SLC12A9: variants seen among roughly 807,000 people sequenced by gnomAD.
SLC12A9 encodes the protein CCC-interacting protein 1.
Under a neutral mutation model 66.0 loss-of-function variants are expected in SLC12A9, and 55 were observed. The ratio of observed to expected loss-of-function variants is 0.83; its 90% CI spans 0.67 to 1.04. The LOEUF is 1.04. SLC12A9 is among the 50% of genes least tolerant of loss of function. SLC12A9 has a pLI of 0.00. For synonymous variants in SLC12A9, 577 were observed against 569.0 expected, an observed-to-expected ratio of 1.01 and a Z score of -0.20; for missense variants, 1,061 against 1,241.9, an observed-to-expected ratio of 0.85 and a Z score of 2.19.
chr7:100,855,766 T>A lies in SLC12A9; in HGVS notation c.377T>A (p.Leu126Gln). 6.2e-7 allele frequency: 1 copy of A among 1,614,170 alleles called. No homozygotes were observed. Among genetic ancestry groups the A allele is most frequent in the Non-Finnish European group, 8.5e-7 (1 of 1,180,010 alleles). ...GGCAGCATTGGGCTCATGTTCTACC[T>A]GGCTAACGTCTGTGGCTGTGCCGTC... ...VGGSIGLMFY[L>Q]ANVCGCAVSL... The change falls in exon 4 of 14, where the codon CTG (leucine) becomes CAG (glutamine). Residue 126 changes from leucine (L) to glutamine (Q), a missense_variant. Coordinates refer to ENST00000354161, the MANE Select transcript of SLC12A9 (RefSeq NM_020246.4).
chr7:100,827,084 C>T (rs929324650), intron 1 of SLC12A9: 1 of 1,543,660 alleles, frequency 6.5e-7, no homozygotes, highest in Non-Finnish European at 8.8e-7. Context: ...CCCTCGCCCC[C>T]CCAGGTCTGA....
intron 1 of SLC12A9, among the ~76,000 whole-genome samples, chr7:100,831,603 G>A (rs1045017926): frequency 6.6e-6 from 1 of 152,194 alleles, no homozygotes; most frequent in African/African-American, 2.4e-5. Context: ...GCCTCCTGAG[G>A]AGCTGGGACC....
intron 8 of SLC12A9, 46 bp from the exon 9 acceptor site, chr7:100,860,104 C>T (rs372081888): frequency 1.7e-4 from 270 of 1,614,068 alleles, no homozygotes; most frequent in Non-Finnish European, 2.2e-4. Context: ...TCTCCGTCCC[C>T]GCTGAGCCCT....
chr7:100,860,973 G>A, intron 9 of SLC12A9, 165 bp from the exon 10 acceptor site: 1 of 1,250,550 alleles, frequency 8.0e-7, no homozygotes, highest in Non-Finnish European at 1.1e-6. Flanking sequence ...GCATTTTGGG[G>A]GTTCATTGAC....
At chr7:100,865,467 T>C in intron 13 of SLC12A9, 2 of 1,534,142 alleles carry the variant, frequency 1.3e-6, no homozygotes, top group Non-Finnish European at 1.7e-6. Flanking sequence ...GCAAGAATCC[T>C]AAGGCGAACT....
chr7:100,858,832 T>C lies in SLC12A9; in HGVS notation c.758-3T>C, dbSNP rs1467030467. ...ACTCTCCTCCCTGGGAGGATCCTCC[T>C]AGCTGGCTATGCTGAGGACTACACC... is the stretch of plus-strand genomic sequence containing the variant. On this transcript the variant is annotated splice_region_variant and splice_polypyrimidine_tract_variant and intron_variant, in intron 5 of 13. Coordinates refer to ENST00000354161, the MANE Select transcript of SLC12A9 (RefSeq NM_020246.4). 1.2e-6 allele frequency: 2 copies of C among 1,614,086 alleles called. No homozygotes were observed. The highest frequency in any genetic ancestry group is 1.7e-6 in the Non-Finnish European group (2 of 1,179,968).
In SLC12A9 at chr7:100,865,861, T is replaced by C; in HGVS notation, c.2001T>C (p.Pro667=). 1.2e-6 allele frequency: 2 copies of C among 1,613,580 alleles called. No individual in the cohort carries two copies. Among genetic ancestry groups the C allele is most frequent in the Non-Finnish European group, 1.7e-6 (2 of 1,179,992 alleles). Residue 667 remains proline (P), a synonymous_variant, in exon 14 of 14, where the codon CCT becomes CCC. Transcript: ENST00000354161. ...CCCCAGCTCTGAGCACCCTGTTCCC[T>C]CCTCCCCGGGCTCCTGGGAGCCCCC... ...GSSPALSTLF[P]PPRAPGSPRA...
chr7:100,853,346 C>T (rs866278819), intron 1 of SLC12A9: 102 of 152,286 alleles, frequency 6.7e-4, no homozygotes, highest in African/African-American at 2.3e-3. Flanking sequence ...GTCAGAGAAC[C>T]TTTGCCCCTT....
chr7:100,865,473 G>T, intron 13 of SLC12A9: 2 of 1,533,022 alleles, frequency 1.3e-6, no homozygotes, highest in Admixed American at 2.0e-5. Flanking sequence ...ATCCTAAGGC[G>T]AACTTTGCCT....
chr7:100,840,997 A>G (rs1294782241), intron 1 of SLC12A9, among the ~76,000 whole-genome samples: 1 of 150,462 alleles, frequency 6.6e-6, no homozygotes, highest in Non-Finnish European at 1.5e-5. Context: ...AACAACAAAA[A>G]AAAAGTAAAA....
rs1417110803 is a variant in SLC12A9 at position 100,847,057 on chromosome 7, GAC to G, written n.229-12826_229-12825del. ...CTGAGAGTTGTGAGCCCTTAAAAAA[GAC>G]AGGAATTGCTCACTCGAGGAGCTTG... On this transcript the variant is annotated intron_variant and non_coding_transcript_variant, in intron 1 of 1. Transcript: ENST00000461016. Among the ~76,000 whole-genome samples, 6 of 152,170 alleles carry G rather than the reference GAC, an allele frequency of 3.9e-5. No homozygotes were observed. In the East Asian group the frequency reaches 1.2e-3, roughly 29 times the overall value.
intron 1 of SLC12A9, among the ~76,000 whole-genome samples, chr7:100,838,014 C>T (rs1813702612): frequency 6.6e-6 from 1 of 152,008 alleles, no homozygotes; most frequent in Non-Finnish European, 1.5e-5. Context: ...GCGCCCTCTA[C>T]CATGCCTGGC....
chr7:100,866,482 T>TCGGC lies in SLC12A9; in HGVS notation c.2625_2628dup (p.Pro877AlafsTer38). ...CAGCCCTCACCTTCCTGTACTTGCCTCGGCCGCCAGCCGATCCCGCCCGAT... is the reference window on the plus strand; with the variant it reads ...CAGCCCTCACCTTCCTGTACTTGCCTCGGCCGGCCGCCAGCCGATCCCGCCCGAT... On this transcript the variant is annotated frameshift_variant, in exon 14 of 14. Transcript: ENST00000354161. LOFTEE classifies it high-confidence loss of function. This position sits in a 1 kb window ranked among gnomAD's most constrained non-coding sequence, Gnocchi z 7.3. The TCGGC allele has an allele frequency of 6.4e-7, 1 of 1,552,782 alleles. No individual in the cohort carries two copies. The highest frequency in any genetic ancestry group is 8.7e-7 in the Non-Finnish European group (1 of 1,149,030).
intron 2 of SLC12A9, 54 bp downstream of exon 2, chr7:100,854,432 G>C: frequency 6.3e-7 from 1 of 1,598,936 alleles, no homozygotes; most frequent in African/African-American, 1.4e-5. Context: ...AGGACATGAT[G>C]GGGAGGGGTG....
At chr7:100,836,133 G>T (rs1225957285) in intron 1 of SLC12A9, among the ~76,000 whole-genome samples, 2 of 152,202 alleles carry the variant, frequency 1.3e-5, no homozygotes, top group Non-Finnish European at 2.9e-5. Context: ...CTGCACTGTG[G>T]CCCTTCCCTG....
chr7:100,839,041 T>C (rs1376927571), intron 1 of SLC12A9, among the ~76,000 whole-genome samples: 2 of 152,010 alleles, frequency 1.3e-5, no homozygotes. Context: ...AAGACAGGAA[T>C]TGCCGGGCGC....
At chr7:100,828,463 G>C (rs936473469) in intron 1 of SLC12A9, among the ~76,000 whole-genome samples, 6 of 150,584 alleles carry the variant, frequency 4.0e-5, no homozygotes, top group Non-Finnish European at 8.9e-5. Context: ...TGCTTGAACC[G>C]GGACCTAGGA....
intron 1 of SLC12A9, among the ~76,000 whole-genome samples, chr7:100,841,204 T>G (rs1404944657): frequency 1.3e-5 from 2 of 151,644 alleles, no homozygotes; most frequent in Non-Finnish European, 2.9e-5. Context: ...TTGAAGAATA[T>G]CGAAGAATTG....
Position 100,859,939 on chromosome 7 carries a change from A to G in SLC12A9, c.1032A>G (p.Pro344=). ...TCCGCGCCATCAGCCTGTGGCCCCC[A>G]CTGGTGTTGATCGGAATCTATGCCA... ...GFFRAISLWP[P]LVLIGIYATA... is the part of the protein sequence containing the mutation. Residue 344 remains proline (P), a synonymous_variant, in exon 8 of 14, where the codon CCA becomes CCG. Transcript: ENST00000354161. 4 of 1,611,514 alleles carry G rather than the reference A, an allele frequency of 2.5e-6. No individual in the cohort carries two copies. Among genetic ancestry groups the G allele is most frequent in the Non-Finnish European group, 3.4e-6 (4 of 1,177,918 alleles).
Sources: allele counts gnomAD v4.1 joint callset (sites outside exome capture counted in the v4.1 genomes callset), GRCh38; gene constraint gnomAD v4.1.1; non-coding constraint Gnocchi (gnomAD v3.1); transcripts MANE v1.5; gene names NCBI Gene and HGNC (gene_info 2026-07-23, HGNC 2026-07-21).